Variants in UBN1 observed in about 807,000 individuals in gnomAD.
UBN1 encodes ubinuclein-1.
In UBN1, 17 loss-of-function variants were observed where a neutral mutation model predicts 108.5. The ratio of observed to expected loss-of-function variants is 0.16; its 90% CI spans 0.11 to 0.24. The LOEUF is 0.24. Ranked by LOEUF, UBN1 falls within the 10% of genes least tolerant of loss-of-function variation. The probability of loss-of-function intolerance (pLI) is 1.00; values close to 1 mark genes in which losing one functional copy is unlikely to be tolerated. For synonymous variants in UBN1, 726 were observed against 564.2 expected (o/e 1.29, Z -4.07); for missense variants, 1,595 against 1,394.4 (o/e 1.14, Z -2.29).
In UBN1 at chr16:4,877,732, G is replaced by C; in HGVS notation, c.3355+258G>C. 1.7e-6 allele frequency: 2 copies of C among 1,205,534 alleles called. No individual in the cohort carries two copies. The highest frequency in any genetic ancestry group is 2.1e-6 in the Non-Finnish European group (2 of 971,114). The allele number at this position is 1,205,534 out of a possible 1,614,324, so 74.7% of individuals were successfully genotyped here. ...ATCACAGGGAAAGTTGCGGGGGGCA[G>C]GGTGGTGCGCTTTTGTGTGCGGTGG... On this transcript the variant is annotated intron_variant, in intron 17 of 17. Transcript: ENST00000262376. This position sits in a 1 kb window ranked among gnomAD's most constrained non-coding sequence, Gnocchi z 4.3.
chr16:4,869,553 T>G (rs1052292589), intron 8 of UBN1, among the ~76,000 whole-genome samples: 4 of 152,178 alleles, frequency 2.6e-5, no homozygotes, highest in African/African-American at 9.7e-5. Flanking sequence ...GCTGAGGAGT[T>G]TGTGTGTGTA....
At chr16:4,870,379 T>A in intron 9 of UBN1, 38 bp downstream of exon 9, 1 of 1,612,422 alleles carries the variant, frequency 6.2e-7, no homozygotes, top group Non-Finnish European at 8.5e-7. Flanking sequence ...GGCTTTGGGG[T>A]CCTGGCGGAG....
chr16:4,877,329 G>A lies in UBN1; in HGVS notation c.3266-56G>A. 1.9e-6 allele frequency: 3 copies of A among 1,572,732 alleles called. No individual in the cohort carries two copies. Among genetic ancestry groups the A allele is most frequent in the African/African-American group, 2.7e-5 (2 of 74,120 alleles). ...TTTTGGCTGCTGGAGCTGCTTTCCT[G>A]TTCCTGTCTTCAATGTGTGTGTTTT... On this transcript the variant is annotated intron_variant, in intron 16 of 17. Coordinates refer to ENST00000262376, the MANE Select transcript of UBN1 (RefSeq NM_001079514.3). This position sits in a 1 kb window ranked among gnomAD's most constrained non-coding sequence, Gnocchi z 4.3.
At position 4,863,594 on chromosome 16, in the gene UBN1, T is replaced by C. The variant is rs541921935; in HGVS notation, c.1110+2492T>C. ...TAGCAGTGTTACGTGTTTCTCACTT[T>C]ATTTTTTATACCCCTAATTTTCCCC... On this transcript the variant is annotated intron_variant, in intron 7 of 17. Transcript: ENST00000262376. Among the ~76,000 whole-genome samples the C allele has an allele frequency of 3.3e-5, 5 of 152,336 alleles. No homozygotes were observed. In the South Asian group the frequency reaches 1.0e-3, roughly 32 times the overall value.
intron 7 of UBN1, among the ~76,000 whole-genome samples, chr16:4,863,040 C>T (rs2087144679): frequency 6.6e-6 from 1 of 152,174 alleles, no homozygotes; most frequent in South Asian, 2.1e-4. Flanking sequence ...CCTATAACAG[C>T]ATTAAGAAAC....
At chr16:4,866,770 C>T (rs2087353164) in intron 7 of UBN1, among the ~76,000 whole-genome samples, 1 of 152,204 alleles carries the variant, frequency 6.6e-6, no homozygotes, top group South Asian at 2.1e-4. Context: ...CCTTGGCCTC[C>T]CAATGTGTTA....
chr16:4,850,528 C>A (rs756156991), intron 1 of UBN1, among the ~76,000 whole-genome samples: 3 of 152,144 alleles, frequency 2.0e-5, no homozygotes, highest in South Asian at 2.1e-4. Context: ...CACAACCCAG[C>A]GCATCACAAA....
chr16:4,861,815 C>T (rs1027990831), intron 7 of UBN1, among the ~76,000 whole-genome samples: 13 of 152,108 alleles, frequency 8.5e-5, no homozygotes, highest in South Asian at 2.1e-4. Context: ...TGGTGGCGCT[C>T]GCCGTAATCC....
At chr16:4,879,141 TAGG>T (rs1220321472) in intron 17 of UBN1, among the ~76,000 whole-genome samples, 3 of 152,158 alleles carry the variant, frequency 2.0e-5, no homozygotes, top group Non-Finnish European at 2.9e-5. Flanking sequence ...TAGTTTCAGT[TAGG>T]AGGAGGATAT....
intron 8 of UBN1, 66 bp downstream of exon 8, chr16:4,868,969 G>A: frequency 6.4e-7 from 1 of 1,566,718 alleles, no homozygotes; most frequent in Non-Finnish European, 8.8e-7. Context: ...GGGCAAGCCA[G>A]CTAGGGGACA....
At chr16:4,870,407 G>A in intron 9 of UBN1, 66 bp downstream of exon 9, 3 of 1,610,090 alleles carry the variant, frequency 1.9e-6, no homozygotes, top group Non-Finnish European at 2.5e-6. Context: ...TGAGTCTTAA[G>A]CAATGATGCG....
chr16:4,855,296 A>G (rs1179135458), intron 2 of UBN1, among the ~76,000 whole-genome samples: 1 of 152,020 alleles, frequency 6.6e-6, no homozygotes, highest in African/African-American at 2.4e-5. Flanking sequence ...AGAAGGATTA[A>G]TCTTTTTTTC....
intron 7 of UBN1, among the ~76,000 whole-genome samples, chr16:4,866,127 A>C (rs976993666): frequency 3.3e-5 from 5 of 152,316 alleles, no homozygotes; most frequent in African/African-American, 1.2e-4. Context: ...AAGCTTAAGC[A>C]AAAAAAGTTC....
At chr16:4,874,073 C>G in intron 14 of UBN1, 138 bp from the exon 15 acceptor site, 7 of 1,103,168 alleles carry the variant, frequency 6.3e-6, no homozygotes, top group Non-Finnish European at 8.9e-6. Flanking sequence ...AGCTCCTGCT[C>G]TGTCCCACCA....
chr16:4,877,937 AG>A lies in UBN1; in HGVS notation c.3355+466del, dbSNP rs1453628984. ...GCTCTCTAAACTTTGTTTCCATTAA[AG>A]GGAAAATCCAGGTAGCAGCCAGAGG... On this transcript the variant is annotated intron_variant, in intron 17 of 17. Transcript: ENST00000262376. The surrounding 1 kb of genome is among the most constrained non-coding windows in gnomAD (Gnocchi z 4.3). 1.3e-6 allele frequency: 1 copy of A among 749,746 alleles called. No individual in the cohort carries two copies. The highest frequency in any genetic ancestry group is 1.9e-5 in the African/African-American group (1 of 52,542). 46.4% of individuals were successfully genotyped at this position (749,746 alleles called of 1,614,324 possible).
intron 2 of UBN1, among the ~76,000 whole-genome samples, chr16:4,856,779 T>A (rs2086830557): frequency 6.6e-6 from 1 of 152,228 alleles, no homozygotes. Context: ...TTATATGCGA[T>A]CATTGTAGAA....
intron 5 of UBN1, among the ~76,000 whole-genome samples, chr16:4,859,585 G>C (rs1238937082): frequency 1.3e-5 from 2 of 152,220 alleles, no homozygotes; most frequent in African/African-American, 4.8e-5. Context: ...CTGCCTATGT[G>C]TTTAAGATGA....
In UBN1 at chr16:4,877,023, C is replaced by T. The variant is rs534360326; in HGVS notation, c.3177C>T (p.Ser1059=). 144 of 1,614,220 alleles carry T rather than the reference C, an allele frequency of 8.9e-5. 1 individual carries two copies. The South Asian group carries it at 1.3e-3, about 15-fold the overall frequency. The change falls in exon 16 of 18, where the codon AGC becomes AGT. Residue 1059 remains serine (S), a synonymous_variant. Coordinates refer to ENST00000262376, the MANE Select transcript of UBN1 (RefSeq NM_001079514.3). The surrounding 1 kb of genome is among the most constrained non-coding windows in gnomAD (Gnocchi z 4.3). ...VPIPVHVLSF[S]ADSSAKAGVS... ...TTCCTGTCCATGTGCTCTCCTTCAG[C>T]GCTGACTCCTCTGCCAAAGCAGGGG...
chr16:4,879,311 C>A (rs944057589), intron 17 of UBN1, among the ~76,000 whole-genome samples: 15 of 152,104 alleles, frequency 9.9e-5, no homozygotes, highest in African/African-American at 3.6e-4. Flanking sequence ...CTGTTTAAGG[C>A]TCTCAGAGGC....
Sources: gnomAD v4.1 joint callset for allele counts (sites outside exome capture counted in the v4.1 genomes callset) on GRCh38, gnomAD v4.1.1 for gene constraint, Gnocchi (gnomAD v3.1) non-coding constraint, MANE v1.5 for transcripts, NCBI Gene and HGNC (gene_info 2026-07-23, HGNC 2026-07-21) for gene names.